IQGAP1: variants seen among roughly 807,000 people sequenced by gnomAD.
IQGAP1 encodes the protein IQ motif containing GTPase activating protein 1.
Under a neutral mutation model 215.6 loss-of-function variants are expected in IQGAP1, and 66 were observed. That is an observed-to-expected ratio of 0.31 (90% CI 0.25 to 0.38). The LOEUF is 0.38. Ranked by LOEUF, IQGAP1 falls within the 10% of genes least tolerant of loss-of-function variation. The pLI is 1.00. For synonymous variants in IQGAP1, 772 were observed against 728.7 expected (o/e 1.06, Z -0.96); for missense variants, 1,712 against 1,997.1 (o/e 0.86, Z 2.72).
intron 1 of IQGAP1, 54 bp downstream of exon 1, chr15:90,388,450 A>G (rs1596241687): frequency 6.8e-6 from 6 of 888,128 alleles, no homozygotes; most frequent in South Asian, 1.6e-5. Context: ...ATTGCAGACG[A>G]GGCGCGATTT....
intron 19 of IQGAP1, 45 bp downstream of exon 19, chr15:90,473,055 C>T (rs1310762300): frequency 6.4e-7 from 1 of 1,572,510 alleles, no homozygotes; most frequent in Non-Finnish European, 8.7e-7. Flanking sequence ...GCATCTAGAG[C>T]AGGGGTAATA....
chr15:90,414,760 C>T (rs2151008919), intron 2 of IQGAP1, among the ~76,000 whole-genome samples: 1 of 152,254 alleles, frequency 6.6e-6, no homozygotes, highest in South Asian at 2.1e-4. Context: ...AGGTCTTCAG[C>T]AACAGGTCTC....
intron 2 of IQGAP1, among the ~76,000 whole-genome samples, chr15:90,396,912 G>C (rs535337230): frequency 6.6e-6 from 1 of 152,040 alleles, no homozygotes; most frequent in Non-Finnish European, 1.5e-5. Context: ...GAGTGCAGTG[G>C]TGCGATCTGG....
At chr15:90,492,927 C>A (rs1391413728) in intron 35 of IQGAP1, among the ~76,000 whole-genome samples, 1 of 152,040 alleles carries the variant, frequency 6.6e-6, no homozygotes, top group Non-Finnish European at 1.5e-5. Context: ...GGATGCTTAT[C>A]GCTAAGTATT....
intron 30 of IQGAP1, among the ~76,000 whole-genome samples, chr15:90,485,109 C>T (rs1048298324): frequency 6.6e-6 from 1 of 152,136 alleles, no homozygotes; most frequent in Admixed American, 6.6e-5. Context: ...CATGTTTCTT[C>T]AGATTTTTCA....
chr15:90,482,733 C>T, intron 28 of IQGAP1: 1 of 997,144 alleles, frequency 1.0e-6, no homozygotes, highest in Non-Finnish European at 1.2e-6. Flanking sequence ...GGCCTCGATT[C>T]TAGACTTTCT....
chr15:90,444,480 C>T lies in IQGAP1; in HGVS notation c.913+1002C>T, dbSNP rs560657328. Among the ~76,000 whole-genome samples the T allele has an allele frequency of 2.6e-5, 4 of 152,150 alleles. No homozygotes were observed. In the South Asian group the frequency reaches 6.2e-4, roughly 24 times the overall value. On this transcript the variant is annotated intron_variant, in intron 9 of 37. Transcript: ENST00000268182. Reference sequence around the variant, plus strand: ...AAATTTTTTTGAAGAGACAGGGTCTCGCTCTGTTGCCCAGGTTGGTGTCAA... The same window carrying T: ...AAATTTTTTTGAAGAGACAGGGTCTTGCTCTGTTGCCCAGGTTGGTGTCAA...
chr15:90,440,727 C>A (rs1965436880), intron 7 of IQGAP1, 112 bp downstream of exon 7: 1 of 671,180 alleles, frequency 1.5e-6, no homozygotes. Flanking sequence ...AAGTTTAAGT[C>A]CACAGATGTA....
At position 90,472,844 on chromosome 15, in the gene IQGAP1, C is replaced by T. The variant is rs2151031784; in HGVS notation, c.2183C>T (p.Ser728Phe). The change falls in exon 19 of 38, where the codon TCT becomes TTT. Residue 728 changes from serine (S) to phenylalanine (F), a missense_variant. Transcript: ENST00000268182. The part of the protein sequence containing the change: ...MQLSREEIQS[S>F]ISGVTAAYNR... Reference sequence around the variant, plus strand: ...ATGTGACCACTGCTTTTTCAGAGTTCTATCTCTGGGGTGACTGCCGCATAT... The same window carrying T: ...ATGTGACCACTGCTTTTTCAGAGTTTTATCTCTGGGGTGACTGCCGCATAT... 2 of 1,602,390 alleles carry T rather than the reference C, an allele frequency of 1.2e-6. No homozygotes were observed. The highest frequency in any genetic ancestry group is 1.7e-6 in the Non-Finnish European group (2 of 1,173,792).
chr15:90,403,146 C>T (rs1490729603), intron 2 of IQGAP1, among the ~76,000 whole-genome samples: 1 of 152,130 alleles, frequency 6.6e-6, no homozygotes, highest in Non-Finnish European at 1.5e-5. Flanking sequence ...CGTGGTGGCA[C>T]ACACCTGTAG....
At position 90,477,662 on chromosome 15, in the gene IQGAP1, T is replaced by C; in HGVS notation, c.3105-3T>C. The C allele has an allele frequency of 6.2e-7, 1 of 1,600,102 alleles. No individual in the cohort carries two copies. ...GTTTAAATTTTTATCTGATGTTTTA[T>C]AGGTCGAAGGTAGATCAGATTCAAG... On this transcript the variant is annotated splice_polypyrimidine_tract_variant and splice_region_variant and intron_variant, in intron 25 of 37. Transcript: ENST00000268182.
chr15:90,463,990 G>C (rs1000151395), intron 15 of IQGAP1, among the ~76,000 whole-genome samples: 3 of 152,188 alleles, frequency 2.0e-5, no homozygotes, highest in Non-Finnish European at 2.9e-5. Context: ...GACTTCAACT[G>C]TTGGGCAGTG....
intron 2 of IQGAP1, among the ~76,000 whole-genome samples, chr15:90,415,739 ACCATTGT>A (rs1378117901): frequency 1.3e-5 from 2 of 151,914 alleles, no homozygotes; most frequent in Non-Finnish European, 2.9e-5. Context: ...TTCTCTTTCC[ACCATTGT>A]CCCAGTTAAA....
intron 37 of IQGAP1, among the ~76,000 whole-genome samples, chr15:90,499,466 C>T (rs148959041): frequency 5.9e-4 from 90 of 152,272 alleles, no homozygotes; most frequent in African/African-American, 1.1e-3. Context: ...CCCTTGCCTT[C>T]GGGATAGAAA....
rs1345227961 is a variant in IQGAP1 at position 90,466,408 on chromosome 15, T to A, written c.2007T>A (p.Ala669=). ...ECGETYHSDL[A]EAKKKKLAVG... Reference sequence around the variant, plus strand: ...GTGAAACTTACCACAGTGATCTTGCTGAAGCCAAGAAGAAAAAACTGGCAG... The same window carrying A: ...GTGAAACTTACCACAGTGATCTTGCAGAAGCCAAGAAGAAAAAACTGGCAG... The change falls in exon 17 of 38, where the codon GCT becomes GCA. Residue 669 remains alanine (A), a synonymous_variant. Transcript: ENST00000268182. 6.8e-6 allele frequency: 11 copies of A among 1,614,054 alleles called. No homozygotes were observed. The highest frequency in any genetic ancestry group is 1.3e-5 in the African/African-American group (1 of 74,910).
At chr15:90,490,609 C>T (rs2151038881) in intron 33 of IQGAP1, among the ~76,000 whole-genome samples, 1 of 152,282 alleles carries the variant, frequency 6.6e-6, no homozygotes, top group African/African-American at 2.4e-5. Flanking sequence ...CAAGGATTTA[C>T]TAAGCACTGG....
intron 31 of IQGAP1, chr15:90,486,677 A>G: frequency 2.8e-6 from 1 of 351,996 alleles, no homozygotes; most frequent in South Asian, 3.2e-5. Flanking sequence ...TGCAGGACTG[A>G]GCCACTGCAC....
At chr15:90,441,718 T>C in intron 8 of IQGAP1, 34 bp downstream of exon 8, 1 of 1,453,872 alleles carries the variant, frequency 6.9e-7, no homozygotes, top group South Asian at 1.2e-5. Flanking sequence ...TCTAATTAAT[T>C]TATATTATTC....
At chr15:90,489,806 G>A (rs188308683) in intron 33 of IQGAP1, among the ~76,000 whole-genome samples, 32 of 152,332 alleles carry the variant, frequency 2.1e-4, no homozygotes, top group Non-Finnish European at 3.7e-4. Flanking sequence ...AAATAAGGAA[G>A]GAGGAGCCAG....
Sources: allele counts gnomAD v4.1 joint callset (sites outside exome capture counted in the v4.1 genomes callset), GRCh38; gene constraint gnomAD v4.1.1; transcripts MANE v1.5; gene names NCBI Gene and HGNC (gene_info 2026-07-23, HGNC 2026-07-21).